RPAP2: variants seen among roughly 807,000 people sequenced by gnomAD.
The protein encoded by RPAP2 is RNA polymerase II associated protein 2.
In RPAP2, 52 loss-of-function variants were observed where a neutral mutation model predicts 73.1. The observed-to-expected ratio is 0.71, with a 90% confidence interval of 0.57 to 0.90. The LOEUF (loss-of-function observed/expected upper bound fraction) is 0.90. Ranked by LOEUF, RPAP2 falls within the 40% of genes least tolerant of loss-of-function variation. The pLI is 0.00. For missense variants in RPAP2, 598 were observed against 701.8 expected, an observed-to-expected ratio of 0.85 and a Z score of 1.67; for synonymous variants, 225 against 242.1, an observed-to-expected ratio of 0.93 and a Z score of 0.65.
chr1:92,328,041 T>C (rs1381054683), intron 8 of RPAP2, among the ~76,000 whole-genome samples: 1 of 152,246 alleles, frequency 6.6e-6, no homozygotes, highest in East Asian at 1.9e-4. Context: ...TCTGATAGGC[T>C]TTCCTTTATA....
intron 6 of RPAP2, among the ~76,000 whole-genome samples, chr1:92,314,785 C>G (rs1321688840): frequency 6.7e-6 from 1 of 149,866 alleles, no homozygotes; most frequent in Non-Finnish European, 1.5e-5. Context: ...TGGCTCACAC[C>G]TGTAATCCCA....
intron 10 of RPAP2, among the ~76,000 whole-genome samples, chr1:92,338,987 G>A (rs911926634): frequency 2.0e-5 from 3 of 152,076 alleles, no homozygotes; most frequent in Non-Finnish European, 1.5e-5. Context: ...TGAGCAAACC[G>A]ATAAAGTTAT....
At chr1:92,302,920 C>T (rs1323584377) in intron 3 of RPAP2, among the ~76,000 whole-genome samples, 1 of 151,196 alleles carries the variant, frequency 6.6e-6, no homozygotes, top group Non-Finnish European at 1.5e-5. Flanking sequence ...TTTTTTTGGC[C>T]AGGCACGATG....
At chr1:92,301,650 C>G in intron 3 of RPAP2, 60 bp downstream of exon 3, 1 of 638,686 alleles carries the variant, frequency 1.6e-6, no homozygotes, top group South Asian at 3.0e-5. Flanking sequence ...ATCTGTGCAG[C>G]ATGAAACTTC....
In RPAP2 at chr1:92,323,853, G is replaced by A. The variant is rs183756768; in HGVS notation, c.933G>A (p.Ala311=). The part of the protein sequence containing the change: ...SNSTLPERLK[A]SENSESEYSR... ...GCACTTTGCCTGAAAGATTAAAAGCGTCAGAAAATTCTGAAAGTGAATACA... is the reference window on the plus strand; with the variant it reads ...GCACTTTGCCTGAAAGATTAAAAGCATCAGAAAATTCTGAAAGTGAATACA... The change falls in exon 8 of 13, where the codon GCG becomes GCA. Residue 311 remains alanine, a synonymous_variant. Transcript: ENST00000610020. 5.0e-4 allele frequency: 808 copies of A among 1,613,938 alleles called. 1 individual carries two copies. Among genetic ancestry groups the A allele is most frequent in the Non-Finnish European group, 5.8e-4 (683 of 1,179,932 alleles).
At chr1:92,380,932 C>T (rs1046090743) in intron 12 of RPAP2, 59 bp downstream of exon 12, 79 of 1,097,152 alleles carry the variant, frequency 7.2e-5, no homozygotes, top group Middle Eastern at 2.6e-4. Context: ...TATGTGGATT[C>T]TTTTTTTTTT....
chr1:92,352,204 T>C (rs985310974), intron 11 of RPAP2, among the ~76,000 whole-genome samples: 5 of 152,212 alleles, frequency 3.3e-5, no homozygotes, highest in African/African-American at 1.2e-4. Context: ...GCAGAGACCA[T>C]ACAATAGTTT....
intron 11 of RPAP2, among the ~76,000 whole-genome samples, chr1:92,354,706 T>A (rs546743643): frequency 6.6e-6 from 1 of 152,042 alleles, no homozygotes; most frequent in South Asian, 2.1e-4. Context: ...GTTTTCTAGA[T>A]AGTAGTTCTG....
At position 92,392,474 on chromosome 1, in the gene RPAP2, C is replaced by A. The variant is rs1194280118; in HGVS notation, c.*5463C>A. ...GAAGCATTTCCTTTGAAGACCAGCA[C>A]AAGGCAAGGATGCCCTCTCTCACCA... On this transcript the variant is annotated 3_prime_UTR_variant, in exon 13 of 13. Transcript: ENST00000610020. 1 of 152,182 alleles carries A rather than the reference C, an allele frequency of 6.6e-6. No individual in the cohort carries two copies. The highest frequency in any genetic ancestry group is 1.5e-5 in the Non-Finnish European group (1 of 68,022). 9.4% of individuals were successfully genotyped at this position (152,182 alleles called of 1,614,324 possible). A position where few individuals can be genotyped will look rare whatever the true frequency, so the allele number is the denominator to read the frequency against.
intron 11 of RPAP2, among the ~76,000 whole-genome samples, chr1:92,360,752 A>G (rs1035795210): frequency 9.2e-5 from 14 of 152,156 alleles, no homozygotes; most frequent in African/African-American, 3.4e-4. Context: ...TTAATTTCAA[A>G]AGTGCAGAAA....
In RPAP2 at chr1:92,391,498, CA is replaced by C. The variant is rs1240896095; in HGVS notation, c.*4491del. The C allele has an allele frequency of 2.6e-5, 4 of 152,154 alleles. No homozygotes were observed. Among genetic ancestry groups the C allele is most frequent in the Non-Finnish European group, 5.9e-5 (4 of 68,032 alleles). The allele number at this position is 152,154 out of a possible 1,614,324, so 9.4% of individuals were successfully genotyped here. A position where few individuals can be genotyped will look rare whatever the true frequency, so the allele number is the denominator to read the frequency against. ...CTAGAGAAGCAAGACCAAACAAATT[CA>C]AAAGCTAGCAGAAGGCAAGAAATAA... On this transcript the variant is annotated 3_prime_UTR_variant, in exon 13 of 13. Coordinates refer to ENST00000610020, the MANE Select transcript of RPAP2 (RefSeq NM_024813.3).
At chr1:92,326,185 T>C (rs958627490) in intron 8 of RPAP2, among the ~76,000 whole-genome samples, 42 of 152,184 alleles carry the variant, frequency 2.8e-4, no homozygotes, top group African/African-American at 1.0e-3. Flanking sequence ...TCCTCCCTGG[T>C]ACTTGATATA....
chr1:92,310,680 T>G (rs763544361), intron 6 of RPAP2, among the ~76,000 whole-genome samples: 20 of 152,148 alleles, frequency 1.3e-4, no homozygotes, highest in Non-Finnish European at 2.5e-4. Context: ...GTGGATCACC[T>G]GAGGTCAGGA....
chr1:92,313,658 CAA>C (rs1359883891), intron 6 of RPAP2, among the ~76,000 whole-genome samples: 1 of 152,274 alleles, frequency 6.6e-6, no homozygotes, highest in South Asian at 2.1e-4. Flanking sequence ...TAGCCCCTAA[CAA>C]GAGAGTCATC....
intron 11 of RPAP2, among the ~76,000 whole-genome samples, chr1:92,346,631 G>C (rs902620913): frequency 1.3e-5 from 2 of 151,974 alleles, no homozygotes; most frequent in Non-Finnish European, 2.9e-5. Context: ...TACTTTATTA[G>C]CACCAAAAAA....
At chr1:92,363,746 A>G in intron 11 of RPAP2, 1 of 367,998 alleles carries the variant, frequency 2.7e-6, no homozygotes, top group Non-Finnish European at 5.4e-6. Context: ...GACCTTTATG[A>G]TGATCTACTT....
At chr1:92,317,023 G>T (rs1028438424) in intron 6 of RPAP2, among the ~76,000 whole-genome samples, 18 of 152,170 alleles carry the variant, frequency 1.2e-4, no homozygotes, top group African/African-American at 4.1e-4. Context: ...AAAGTATATT[G>T]AGTTCCTGTG....
intron 12 of RPAP2, among the ~76,000 whole-genome samples, chr1:92,381,352 T>C (rs1655620419): frequency 6.6e-6 from 1 of 152,180 alleles, no homozygotes; most frequent in South Asian, 2.1e-4. Context: ...CTTTGTTGAA[T>C]CCTAACCCTG....
intron 11 of RPAP2, among the ~76,000 whole-genome samples, chr1:92,373,915 G>A (rs1420506982): frequency 2.0e-5 from 3 of 151,750 alleles, no homozygotes; most frequent in African/African-American, 7.3e-5. Context: ...GCAAAACTTG[G>A]TCTCAAAAAA....
Sources: allele counts gnomAD v4.1 joint callset (sites outside exome capture counted in the v4.1 genomes callset), GRCh38; gene constraint gnomAD v4.1.1; transcripts MANE v1.5; gene names NCBI Gene and HGNC (gene_info 2026-07-23, HGNC 2026-07-21).